The following SIPA1L2 variants were observed in gnomAD, a reference collection of about 807,000 sequenced individuals.
SIPA1L2 encodes the protein signal induced proliferation associated 1 like 2.
SIPA1L2 carries 56 observed loss-of-function variants against 163.9 expected under a neutral mutation model. The observed-to-expected ratio is 0.34, with a 90% CI of 0.28 to 0.43. The LOEUF (loss-of-function observed/expected upper bound fraction) is 0.43, where lower values mean the gene tolerates loss of function less well. Ranked by LOEUF, SIPA1L2 falls within the 20% of genes least tolerant of loss-of-function variation. The pLI is 1.00. For missense variants in SIPA1L2, 1,974 were observed against 2,193.5 expected, an observed-to-expected ratio of 0.90 and a Z score of 2.00; for synonymous variants, 877 against 865.7, an observed-to-expected ratio of 1.01 and a Z score of -0.23.
chr1:232,545,387 C>T (rs1305308506), intron 2 of SIPA1L2, among the ~76,000 whole-genome samples: 2 of 152,202 alleles, frequency 1.3e-5, no homozygotes, highest in East Asian at 1.9e-4. Flanking sequence ...ATCTATGAGG[C>T]TCCGTGTGGG....
intron 1 of SIPA1L2, among the ~76,000 whole-genome samples, chr1:232,586,010 A>G (rs1349992017): frequency 6.6e-6 from 1 of 152,236 alleles, no homozygotes; most frequent in African/African-American, 2.4e-5. Flanking sequence ...TAGAGTTGGA[A>G]TATTTCAAAA....
At chr1:232,447,038 A>T (rs1663259341) in intron 10 of SIPA1L2, among the ~76,000 whole-genome samples, 1 of 152,230 alleles carries the variant, frequency 6.6e-6, no homozygotes, top group African/African-American at 2.4e-5. Context: ...TATAAACAGC[A>T]AGTACTCAGG....
chr1:232,403,999 G>T, intron 20 of SIPA1L2, 126 bp downstream of exon 20: 2 of 1,015,248 alleles, frequency 2.0e-6, no homozygotes, highest in Non-Finnish European at 1.5e-6. Context: ...GAACAGCCAG[G>T]ACACATGTCC....
chr1:232,545,814 T>C (rs551620616), intron 2 of SIPA1L2, among the ~76,000 whole-genome samples: 5 of 152,360 alleles, frequency 3.3e-5, no homozygotes, highest in Non-Finnish European at 7.3e-5. Context: ...ATTTTTCAAT[T>C]AATGTATTAA....
rs543297784 is a variant in SIPA1L2 at position 232,514,495 on chromosome 1, A to C, written c.845T>G (p.Leu282Trp). The C allele has an allele frequency of 9.9e-6, 16 of 1,614,200 alleles. No homozygotes were observed. In the South Asian group the frequency reaches 1.6e-4, roughly 17 times the overall value. The part of the protein sequence containing the change: ...RDRDKPFKRR[L>W]KSESVETSLF... Reference sequence around the variant, plus strand: ...AGATGTTTCCACCGACTCTGATTTCAACCTCCGTTTGAAAGGCTTGTCCCT... The same window carrying C: ...AGATGTTTCCACCGACTCTGATTTCCACCTCCGTTTGAAAGGCTTGTCCCT... Residue 282 changes from leucine to tryptophan, a missense_variant, in exon 3 of 23, where the codon TTG becomes TGG. Physicochemically the swap from Leu to Trp is moderately conservative, Grantham distance 61. This residue lies in a region of SIPA1L2 where 607 missense variants were observed against 624.0 expected (regional missense o/e 0.97). Coordinates refer to ENST00000674635, the MANE Select transcript of SIPA1L2 (RefSeq NM_020808.5).
intron 6 of SIPA1L2, 79 bp from the exon 7 acceptor site, chr1:232,479,809 C>T: frequency 7.7e-7 from 1 of 1,302,446 alleles, no homozygotes; most frequent in Non-Finnish European, 1.1e-6. Context: ...GTTACTGTTG[C>T]AAAAACAAAA....
At chr1:232,529,229 T>C (rs936002785) in intron 2 of SIPA1L2, among the ~76,000 whole-genome samples, 2 of 152,236 alleles carry the variant, frequency 1.3e-5, no homozygotes, top group African/African-American at 4.8e-5. Context: ...TTTTTGCTTA[T>C]GCAGTTCTCT....
At chr1:232,408,300 T>TC (rs902990555) in intron 19 of SIPA1L2, among the ~76,000 whole-genome samples, 8 of 152,062 alleles carry the variant, frequency 5.3e-5, no homozygotes, top group Admixed American at 5.2e-4. Flanking sequence ...TTTTTTTTTT[T>TC]TAAACTGTTT....
chr1:232,477,417 G>T (rs1324741078), intron 7 of SIPA1L2, among the ~76,000 whole-genome samples: 1 of 152,112 alleles, frequency 6.6e-6, no homozygotes, highest in African/African-American at 2.4e-5. Flanking sequence ...CCTAAGAAAG[G>T]TTCACTCATT....
chr1:232,531,995 CACAGGAAGGATTTG>C lies in SIPA1L2; in HGVS notation c.-269-16401_-269-16388del, dbSNP rs1313298167. Among the ~76,000 whole-genome samples, 4 of 152,212 alleles carry C rather than the reference CACAGGAAGGATTTG, an allele frequency of 2.6e-5. No individual in the cohort carries two copies. In the East Asian group the frequency reaches 7.7e-4, roughly 29 times the overall value. ...TCAGATCCGGGAGGGACTGATGGGC[CACAGGAAGGATTTG>C]ACTTTCATTCTGGACAGTTCTAAGC... is the stretch of plus-strand genomic sequence containing the variant. On this transcript the variant is annotated intron_variant, in intron 2 of 22. Coordinates refer to ENST00000674635, the MANE Select transcript of SIPA1L2 (RefSeq NM_020808.5).
At chr1:232,468,549 G>A (rs771511945) in intron 8 of SIPA1L2, among the ~76,000 whole-genome samples, 1 of 152,114 alleles carries the variant, frequency 6.6e-6, no homozygotes, top group African/African-American at 2.4e-5. Context: ...CCCATTGTAA[G>A]GATGATAGAA....
chr1:232,454,276 T>A (rs1299273380), intron 10 of SIPA1L2, among the ~76,000 whole-genome samples: 4 of 152,210 alleles, frequency 2.6e-5, no homozygotes, highest in Admixed American at 1.3e-4. Flanking sequence ...AGCCCTCTTA[T>A]AAAGGTCAGC....
chr1:232,519,467 A>C (rs912249229), intron 2 of SIPA1L2, among the ~76,000 whole-genome samples: 1 of 152,200 alleles, frequency 6.6e-6, no homozygotes, highest in Non-Finnish European at 1.5e-5. Flanking sequence ...AAACCGTGCA[A>C]TCTAAAGACC....
chr1:232,466,520 G>A (rs1305182541), intron 8 of SIPA1L2, among the ~76,000 whole-genome samples: 1 of 152,194 alleles, frequency 6.6e-6, no homozygotes, highest in Non-Finnish European at 1.5e-5. Flanking sequence ...GCCAGGTGCG[G>A]TGGCTCATGC....
intron 3 of SIPA1L2, among the ~76,000 whole-genome samples, chr1:232,502,625 CTCTT>C (rs1666537743): frequency 6.6e-6 from 1 of 152,138 alleles, no homozygotes; most frequent in African/African-American, 2.4e-5. Context: ...ACCCATTTTC[CTCTT>C]TCTGTCTCAC....
rs893258371 is a variant in SIPA1L2 at position 232,487,944 on chromosome 1, A to G, written c.1806+2930T>C. Reference sequence around the variant, plus strand: ...TACACACACACACACACACACACACACACACACACACGCACACATATTTTT... The same window carrying G: ...TACACACACACACACACACACACACGCACACACACACGCACACATATTTTT... On this transcript the variant is annotated intron_variant, in intron 5 of 22. Coordinates refer to ENST00000674635, the MANE Select transcript of SIPA1L2 (RefSeq NM_020808.5). Among the ~76,000 whole-genome samples the G allele has an allele frequency of 4.2e-4, 64 of 151,864 alleles. 1 individual carries two copies. Among genetic ancestry groups the G allele is most frequent in the African/African-American group, 1.4e-3 (56 of 41,304 alleles).
intron 9 of SIPA1L2, chr1:232,462,238 G>T: frequency 1.9e-6 from 3 of 1,550,980 alleles, no homozygotes; most frequent in Non-Finnish European, 2.6e-6. Flanking sequence ...GGCTCATTAA[G>T]TATCACCCGA....
At chr1:232,484,200 T>A (rs185432446) in intron 5 of SIPA1L2, among the ~76,000 whole-genome samples, 1 of 152,312 alleles carries the variant, frequency 6.6e-6, no homozygotes, top group African/African-American at 2.4e-5. Context: ...AAATTAAATG[T>A]ATGGCTGTGG....
chr1:232,421,638 G>C (rs1455749656), intron 18 of SIPA1L2, among the ~76,000 whole-genome samples: 1 of 152,162 alleles, frequency 6.6e-6, no homozygotes, highest in Non-Finnish European at 1.5e-5. Flanking sequence ...CCTTGGCAAA[G>C]ATTCTTCCTC....
Sources: gnomAD v4.1 joint callset for allele counts (sites outside exome capture counted in the v4.1 genomes callset) on GRCh38, gnomAD v4.1.1 for gene constraint, gnomAD v4.1.1 regional missense constraint, MANE v1.5 for transcripts, NCBI Gene and HGNC (gene_info 2026-07-23, HGNC 2026-07-21) for gene names.